PCDHA10: variants seen among roughly 807,000 people sequenced by gnomAD.
PCDHA10 encodes the protein protocadherin alpha 10, also known as protocadherin alpha-10.
A neutral mutation model predicts 61.2 loss-of-function variants in PCDHA10; 45 were observed. That is an observed-to-expected ratio of 0.74 (90% confidence interval 0.58 to 0.94). The LOEUF (loss-of-function observed/expected upper bound fraction) is 0.94, where lower values mean the gene tolerates loss of function less well. Ranked by LOEUF, PCDHA10 falls within the 40% of genes least tolerant of loss-of-function variation. The probability of loss-of-function intolerance (pLI) is 0.00; values close to 1 mark genes in which losing one functional copy is unlikely to be tolerated. For missense variants in PCDHA10, 1,278 were observed against 1,236.2 expected (o/e 1.03, Z -0.51); for synonymous variants, 602 against 548.8 (o/e 1.10, Z -1.35).
At chr5:140,953,331 A>G (rs2153698892) in intron 1 of PCDHA10, among the ~76,000 whole-genome samples, 1 of 152,248 alleles carries the variant, frequency 6.6e-6, no homozygotes, top group South Asian at 2.1e-4. Flanking sequence ...CATAGAATTT[A>G]GGGCTCACCT....
chr5:140,885,924 TTATC>T lies in PCDHA10; in HGVS notation c.2388+27492_2388+27495del, dbSNP rs554293197. Among the ~76,000 whole-genome samples the T allele has an allele frequency of 1.1e-3, 168 of 152,304 alleles. 1 individual carries two copies. The highest frequency in any genetic ancestry group is 9.9e-3 in the South Asian group (48 of 4,826). ...TCTGTACCTTATAGATATTAACTGT[TTATC>T]TATTTTTTGACATTTTTAATTAAAA... On this transcript the variant is annotated intron_variant, in intron 1 of 3. Coordinates refer to ENST00000307360, the MANE Select transcript of PCDHA10 (RefSeq NM_018901.4).
chr5:140,924,668 GC>G (rs2081945881), intron 1 of PCDHA10, among the ~76,000 whole-genome samples: 1 of 152,142 alleles, frequency 6.6e-6, no homozygotes, highest in Admixed American at 6.5e-5. Context: ...GCCGAGGCAG[GC>G]CAATCACTTG....
intron 1 of PCDHA10, chr5:140,967,039 G>GCTGGAC (rs1192512561): frequency 1.2e-6 from 2 of 1,611,626 alleles, no homozygotes; most frequent in Non-Finnish European, 1.7e-6. Flanking sequence ...GCTACCTGGA[G>GCTGGAC]CTGGACCTGA....
At chr5:140,947,769 A>G (rs2094173274) in intron 1 of PCDHA10, among the ~76,000 whole-genome samples, 1 of 151,626 alleles carries the variant, frequency 6.6e-6, no homozygotes, top group South Asian at 2.1e-4. Context: ...AAAAAATTCT[A>G]TTGTAAATGG....
intron 1 of PCDHA10, among the ~76,000 whole-genome samples, chr5:140,915,632 CT>C (rs782761734): frequency 6.2e-5 from 9 of 144,496 alleles, no homozygotes; most frequent in Non-Finnish European, 1.3e-4. Context: ...TTCTGTCTCT[CT>C]CTCTCTCTCT....
At chr5:140,968,639 G>T (rs1278507600) in intron 1 of PCDHA10, 1 of 1,614,150 alleles carries the variant, frequency 6.2e-7, no homozygotes, top group Non-Finnish European at 8.5e-7. Context: ...TTACCATCTA[G>T]CCCAGACTTC....
At chr5:140,998,118 G>A (rs545818682) in intron 3 of PCDHA10, among the ~76,000 whole-genome samples, 5 of 152,282 alleles carry the variant, frequency 3.3e-5, no homozygotes, top group Admixed American at 1.3e-4. Flanking sequence ...AAATTTACTT[G>A]TGAATCATAA....
chr5:140,873,893 T>G (rs1308011914), intron 1 of PCDHA10, among the ~76,000 whole-genome samples: 2 of 152,166 alleles, frequency 1.3e-5, no homozygotes, highest in Non-Finnish European at 2.9e-5. Context: ...ACTCCTGACC[T>G]CAGGTGATCT....
intron 1 of PCDHA10, among the ~76,000 whole-genome samples, chr5:140,878,662 C>G (rs1479409326): frequency 6.6e-6 from 1 of 152,194 alleles, no homozygotes; most frequent in African/African-American, 2.4e-5. Context: ...CCAGAGGCTT[C>G]TCTTTAACCA....
At chr5:140,870,229 C>A (rs781897836) in intron 1 of PCDHA10, 3 of 1,614,046 alleles carry the variant, frequency 1.9e-6, no homozygotes, top group South Asian at 1.1e-5. Flanking sequence ...CGTGTCTGAC[C>A]GTGACTCAGG....
chr5:140,917,324 C>CGGGGG (rs1299895515), intron 1 of PCDHA10, among the ~76,000 whole-genome samples: 1 of 76,186 alleles, frequency 1.3e-5, no homozygotes, highest in Non-Finnish European at 2.9e-5. Flanking sequence ...GTTCATGTGG[C>CGGGGG]GGGGGAGGGG....
intron 1 of PCDHA10, among the ~76,000 whole-genome samples, chr5:140,934,446 A>G (rs527371307): frequency 2.0e-5 from 3 of 152,188 alleles, no homozygotes; most frequent in Non-Finnish European, 4.4e-5. Context: ...ATAGTGAAAA[A>G]TGCAAATAAT....
At chr5:140,968,150 A>G (rs1554230413) in intron 1 of PCDHA10, 2 of 1,614,180 alleles carry the variant, frequency 1.2e-6, no homozygotes, top group Admixed American at 1.7e-5. Flanking sequence ...GATCTCTGAC[A>G]TCAATGACAA....
At chr5:140,967,652 T>A in intron 1 of PCDHA10, 1 of 1,614,152 alleles carries the variant, frequency 6.2e-7, no homozygotes, top group South Asian at 1.1e-5. Flanking sequence ...CAGGTACTCC[T>A]TGAGCAGCTA....
At chr5:140,935,633 C>T (rs1316098876) in intron 1 of PCDHA10, among the ~76,000 whole-genome samples, 4 of 152,046 alleles carry the variant, frequency 2.6e-5, no homozygotes, top group African/African-American at 7.2e-5. Context: ...AAATTTAGGG[C>T]TTGCTTTTTA....
At chr5:140,931,547 T>C (rs2087587732) in intron 1 of PCDHA10, among the ~76,000 whole-genome samples, 1 of 152,064 alleles carries the variant, frequency 6.6e-6, no homozygotes, top group Admixed American at 6.5e-5. Flanking sequence ...ACTGTTCATA[T>C]GTGCAGGAAT....
chr5:140,872,785 C>A (rs781982200), intron 1 of PCDHA10, among the ~76,000 whole-genome samples: 1 of 152,072 alleles, frequency 6.6e-6, no homozygotes, highest in Non-Finnish European at 1.5e-5. Context: ...ATAATATATG[C>A]TAGTTGGCAT....
Position 141,010,123 on chromosome 5 carries a change from A to G in PCDHA10, c.*186A>G, listed in dbSNP as rs782357783. The G allele has an allele frequency of 3.7e-6, 6 of 1,605,822 alleles. No individual in the cohort carries two copies. In the East Asian group the frequency reaches 1.3e-4, roughly 36 times the overall value. On this transcript the variant is annotated 3_prime_UTR_variant, in exon 4 of 4. Transcript: ENST00000307360. ...AGGTTTTGTCGTAAAAGCTTTACTA[A>G]GTCTGGTGTTAACTCTTTCTCTCCA...
At chr5:140,927,818 A>C (rs1554205106) in intron 1 of PCDHA10, 1 of 1,614,190 alleles carries the variant, frequency 6.2e-7, no homozygotes, top group Admixed American at 1.7e-5. Flanking sequence ...TTGGAGGCAT[A>C]CATTGAGGCG....
Sources: gnomAD v4.1 joint callset for allele counts (sites outside exome capture counted in the v4.1 genomes callset) on GRCh38, gnomAD v4.1.1 for gene constraint, MANE v1.5 for transcripts, NCBI Gene and HGNC (gene_info 2026-07-23, HGNC 2026-07-21) for gene names.